ATP8A2: variants seen among roughly 807,000 people sequenced by gnomAD.
ATP8A2 encodes the protein ATPase phospholipid transporting 8A2.
In ATP8A2, 100 loss-of-function variants were observed where a neutral mutation model predicts 165.6. That is an observed-to-expected ratio of 0.60 (90% CI 0.51 to 0.71). The LOEUF (loss-of-function observed/expected upper bound fraction) is 0.71. Among genes scored for constraint, ATP8A2 ranks in the 30% least tolerant of loss-of-function variants. ATP8A2 has a pLI of 0.00. For synonymous variants in ATP8A2, 543 were observed against 548.8 expected (o/e 0.99, Z 0.15); for missense variants, 1,227 against 1,479.5 (o/e 0.83, Z 2.80).
At chr13:25,886,094 A>G (rs1488275566) in intron 33 of ATP8A2, among the ~76,000 whole-genome samples, 1 of 152,228 alleles carries the variant, frequency 6.6e-6, no homozygotes. Flanking sequence ...GTTTGAAAGA[A>G]GCTTTTCCTC....
intron 25 of ATP8A2, among the ~76,000 whole-genome samples, chr13:25,766,833 G>T (rs1324483585): frequency 6.6e-6 from 1 of 152,188 alleles, no homozygotes; most frequent in Non-Finnish European, 1.5e-5. Context: ...CAACAGTTAA[G>T]ATGTTTCACA....
At chr13:25,456,951 A>C (rs549085924) in intron 1 of ATP8A2, among the ~76,000 whole-genome samples, 3 of 152,260 alleles carry the variant, frequency 2.0e-5, no homozygotes, top group Admixed American at 6.5e-5. Flanking sequence ...CATAAAATAC[A>C]CTAACACTAA....
intron 27 of ATP8A2, among the ~76,000 whole-genome samples, chr13:25,817,174 T>C (rs1241209440): frequency 6.6e-6 from 1 of 152,066 alleles, no homozygotes; most frequent in Non-Finnish European, 1.5e-5. Flanking sequence ...AGCTATTCAG[T>C]CCCCTAGCAA....
At chr13:25,831,333 G>A (rs917949010) in intron 28 of ATP8A2, among the ~76,000 whole-genome samples, 1 of 150,652 alleles carries the variant, frequency 6.6e-6, no homozygotes, top group Non-Finnish European at 1.5e-5. Context: ...TCCTGCCTCA[G>A]CCTCCCAAGT....
At chr13:25,529,671 C>T (rs1374204375) in intron 2 of ATP8A2, among the ~76,000 whole-genome samples, 1 of 152,096 alleles carries the variant, frequency 6.6e-6, no homozygotes, top group Non-Finnish European at 1.5e-5. Flanking sequence ...AGGGGAACAT[C>T]GAATTGTTAT....
intron 1 of ATP8A2, among the ~76,000 whole-genome samples, chr13:25,443,075 T>C (rs1043528852): frequency 1.3e-5 from 2 of 152,232 alleles, no homozygotes; most frequent in African/African-American, 4.8e-5. Flanking sequence ...TATTTTTCTT[T>C]TGTTGACTGT....
At chr13:25,878,853 A>T (rs1437464612) in intron 33 of ATP8A2, among the ~76,000 whole-genome samples, 1 of 152,166 alleles carries the variant, frequency 6.6e-6, no homozygotes, top group Non-Finnish European at 1.5e-5. Context: ...CCCCAGGCAC[A>T]GGAGCTTAAA....
intron 24 of ATP8A2, among the ~76,000 whole-genome samples, chr13:25,610,129 T>A (rs532392346): frequency 6.4e-4 from 97 of 152,220 alleles, no homozygotes; most frequent in African/African-American, 2.2e-3. Flanking sequence ...TTAAATCCCA[T>A]CTATTTATCT....
At chr13:25,430,082 A>G (rs369887154) in intron 1 of ATP8A2, among the ~76,000 whole-genome samples, 58 of 152,316 alleles carry the variant, frequency 3.8e-4, no homozygotes, top group South Asian at 8.3e-4. Flanking sequence ...ATTTGCAGAA[A>G]GGTAAACAAT....
At chr13:25,402,991 GA>G (rs1403585192) in intron 1 of ATP8A2, among the ~76,000 whole-genome samples, 6 of 152,114 alleles carry the variant, frequency 3.9e-5, no homozygotes, top group African/African-American at 1.4e-4. Context: ...AGGAAAATAG[GA>G]TGGACTCATT....
At chr13:25,559,899 C>T (rs2039090762) in intron 15 of ATP8A2, 134 bp downstream of exon 15, 3 of 652,958 alleles carry the variant, frequency 4.6e-6, no homozygotes, top group Middle Eastern at 3.3e-4. Context: ...ACTGTCATAG[C>T]TCACTGTAGT....
intron 27 of ATP8A2, among the ~76,000 whole-genome samples, chr13:25,803,472 A>G (rs942748958): frequency 2.0e-5 from 3 of 152,222 alleles, no homozygotes; most frequent in African/African-American, 4.8e-5. Context: ...GTAAAAATAT[A>G]TATGTATATT....
intron 33 of ATP8A2, among the ~76,000 whole-genome samples, chr13:25,898,471 T>C (rs1953634343): frequency 6.6e-6 from 1 of 152,050 alleles, no homozygotes; most frequent in African/African-American, 2.4e-5. Flanking sequence ...TACTCGGGGG[T>C]CAGGGACCCA....
chr13:25,956,670 A>G (rs1955531111), intron 33 of ATP8A2, among the ~76,000 whole-genome samples: 1 of 152,254 alleles, frequency 6.6e-6, no homozygotes, highest in South Asian at 2.1e-4. Flanking sequence ...AGGAAGAATC[A>G]ATATCATGAA....
chr13:25,813,850 C>T (rs1950941699), intron 27 of ATP8A2, among the ~76,000 whole-genome samples: 1 of 152,306 alleles, frequency 6.6e-6, no homozygotes, highest in South Asian at 2.1e-4. Flanking sequence ...GGGTGGGCCT[C>T]ATCCCATCAG....
At chr13:25,978,463 T>C (rs1956107762) in intron 35 of ATP8A2, among the ~76,000 whole-genome samples, 1 of 152,214 alleles carries the variant, frequency 6.6e-6, no homozygotes, top group Admixed American at 6.5e-5. Flanking sequence ...ATTTAGATGT[T>C]ATCTGGGAAT....
intron 30 of ATP8A2, among the ~76,000 whole-genome samples, chr13:25,853,902 G>A (rs1952081618): frequency 1.3e-5 from 2 of 152,196 alleles, no homozygotes; most frequent in African/African-American, 4.8e-5. Flanking sequence ...AGGAGCCTTA[G>A]AGATAACTCA....
At chr13:25,795,811 T>G (rs1201868392) in intron 27 of ATP8A2, among the ~76,000 whole-genome samples, 3 of 152,334 alleles carry the variant, frequency 2.0e-5, no homozygotes, top group African/African-American at 4.8e-5. Context: ...TTTCTGGTCC[T>G]TTATTGAACT....
chr13:25,895,871 G>A (rs1479139855), intron 33 of ATP8A2, among the ~76,000 whole-genome samples: 1 of 152,026 alleles, frequency 6.6e-6, no homozygotes, highest in East Asian at 1.9e-4. Context: ...TGTGAGATCG[G>A]TGGTGATATC....
Sources: gnomAD v4.1 joint callset for allele counts (sites outside exome capture counted in the v4.1 genomes callset) on GRCh38, gnomAD v4.1.1 for gene constraint, MANE v1.5 for transcripts, NCBI Gene and HGNC (gene_info 2026-07-23, HGNC 2026-07-21) for gene names.